ANK1: variants seen among roughly 807,000 people sequenced by gnomAD.
The protein encoded by ANK1 is ankyrin-1.
Under a neutral mutation model 210.4 loss-of-function variants are expected in ANK1, and 51 were observed. The ratio of observed to expected loss-of-function variants is 0.24; its 90% CI spans 0.19 to 0.31. The LOEUF (loss-of-function observed/expected upper bound fraction) is 0.31. Among genes scored for constraint, ANK1 ranks in the 10% least tolerant of loss-of-function variants. The pLI is 1.00. For missense variants in ANK1, 2,051 were observed against 2,504.4 expected (o/e 0.82, Z 3.86); for synonymous variants, 967 against 1,025.9 (o/e 0.94, Z 1.10).
chr8:41,834,769 T>A (rs1420639410), intron 1 of ANK1, among the ~76,000 whole-genome samples: 2 of 152,248 alleles, frequency 1.3e-5, no homozygotes, highest in East Asian at 1.9e-4. Context: ...CCTGGTCCCA[T>A]GCTGGGGCTC....
intron 38 of ANK1, among the ~76,000 whole-genome samples, chr8:41,670,836 C>A (rs542190094): frequency 1.3e-5 from 2 of 152,332 alleles, no homozygotes; most frequent in African/African-American, 4.8e-5. Flanking sequence ...TGCCTGGGGG[C>A]ACAAGAACCA....
In ANK1 at chr8:41,662,317, C is replaced by T. The variant is rs972356215; in HGVS notation, c.5479-376G>A. On this transcript the variant is annotated intron_variant, in intron 40 of 42. Transcript: ENST00000289734. Reference sequence around the variant, plus strand: ...AAGACAGAGCTTCAGAACAGCAGTTCCCAGGAATGAGCTCCGAGGGGGAGG... The same window carrying T: ...AAGACAGAGCTTCAGAACAGCAGTTTCCAGGAATGAGCTCCGAGGGGGAGG... Among the ~76,000 whole-genome samples, 62 of 152,018 alleles carry T rather than the reference C, an allele frequency of 4.1e-4. 1 individual carries two copies. Among genetic ancestry groups the T allele is most frequent in the African/African-American group, 1.5e-3 (62 of 41,492 alleles).
In ANK1 at chr8:41,703,444, ATATATATT is replaced by A. The variant is rs1363692626; in HGVS notation, c.2295+589_2295+596del. 2.1e-4 allele frequency among the ~76,000 whole-genome samples: 13 copies of A among 62,368 alleles called. No individual in the cohort carries two copies. In the East Asian group the frequency reaches 4.8e-3, roughly 23 times the overall value. The allele number at this position is 62,368 out of a possible 152,430, so 40.9% of individuals were successfully genotyped here. On this transcript the variant is annotated intron_variant, in intron 20 of 42. Coordinates refer to ENST00000289734, the MANE Select transcript of ANK1 (RefSeq NM_000037.4). ...TGTGTATATATATATATATATATATATATATATTTTTTTTTTTTTTTTAAGACACAAGG... is the reference window on the plus strand; with the variant it reads ...TGTGTATATATATATATATATATATATTTTTTTTTTTTTTAAGACACAAGG...
intron 1 of ANK1, among the ~76,000 whole-genome samples, chr8:41,789,451 A>T (rs1485569566): frequency 6.6e-6 from 1 of 152,204 alleles, no homozygotes; most frequent in Non-Finnish European, 1.5e-5. Context: ...CTGATGGAGG[A>T]TAAAGTCCAG....
chr8:41,778,757 A>G (rs1274122598), intron 1 of ANK1, among the ~76,000 whole-genome samples: 1 of 152,242 alleles, frequency 6.6e-6, no homozygotes, highest in African/African-American at 2.4e-5. Context: ...CATCCCTCAC[A>G]AAGATTTTAT....
At chr8:41,818,710 G>A (rs1212808975) in intron 1 of ANK1, among the ~76,000 whole-genome samples, 3 of 149,252 alleles carry the variant, frequency 2.0e-5, no homozygotes, top group East Asian at 2.0e-4. Flanking sequence ...TCTTGAACTC[G>A]TGGGTTTCAG....
intron 1 of ANK1, among the ~76,000 whole-genome samples, chr8:41,816,828 T>C (rs1051265665): frequency 6.6e-6 from 1 of 152,264 alleles, no homozygotes; most frequent in East Asian, 1.9e-4. Context: ...TATAAACACT[T>C]ATTTTTCTTT....
At chr8:41,770,630 T>A (rs1842805070) in intron 1 of ANK1, among the ~76,000 whole-genome samples, 1 of 152,222 alleles carries the variant, frequency 6.6e-6, no homozygotes, top group Admixed American at 6.5e-5. Context: ...TGAAGTATTA[T>A]CAGAGGACTT....
chr8:41,775,200 T>C (rs1186756031), intron 1 of ANK1, among the ~76,000 whole-genome samples: 1 of 152,156 alleles, frequency 6.6e-6, no homozygotes, highest in Non-Finnish European at 1.5e-5. Context: ...TTCCCACCCT[T>C]CCTTAGAAAT....
chr8:41,889,460 G>C (rs1290111616), intron 1 of ANK1, among the ~76,000 whole-genome samples: 1 of 152,214 alleles, frequency 6.6e-6, no homozygotes, highest in South Asian at 2.1e-4. Context: ...AATTGGACAT[G>C]TACTATTTCC....
intron 2 of ANK1, among the ~76,000 whole-genome samples, chr8:41,740,191 A>C (rs1586612813): frequency 9.0e-5 from 12 of 133,276 alleles, no homozygotes; most frequent in African/African-American, 1.2e-4. Flanking sequence ...ATGGAGTTTC[A>C]CTCTCATTGC....
chr8:41,664,835 G>C (rs755773784), intron 39 of ANK1: 8 of 1,611,740 alleles, frequency 5.0e-6, no homozygotes, highest in Non-Finnish European at 5.9e-6. Context: ...GGACCACCCT[G>C]GTGGAGATGG....
intron 16 of ANK1, among the ~76,000 whole-genome samples, chr8:41,710,171 C>T (rs1825752107): frequency 6.6e-6 from 1 of 152,218 alleles, no homozygotes; most frequent in South Asian, 2.1e-4. Context: ...TATCTCCCTG[C>T]AGGCAAGAGA....
chr8:41,845,002 C>T (rs1403749223), intron 1 of ANK1, among the ~76,000 whole-genome samples: 1 of 152,192 alleles, frequency 6.6e-6, no homozygotes, highest in Non-Finnish European at 1.5e-5. Context: ...GAAAAGCTGC[C>T]TCTACTCAGC....
At chr8:41,701,954 G>A (rs1822946507) in intron 21 of ANK1, 98 bp downstream of exon 21, 1 of 1,313,876 alleles carries the variant, frequency 7.6e-7, no homozygotes, top group African/African-American at 1.4e-5. Context: ...CCGCGTCCCG[G>A]AGCCCCAGAA....
intron 1 of ANK1, among the ~76,000 whole-genome samples, chr8:41,870,303 A>G (rs1815231546): frequency 6.6e-6 from 1 of 152,140 alleles, no homozygotes; most frequent in Non-Finnish European, 1.5e-5. Context: ...CAATGGGCAC[A>G]GTCTTTTTAT....
At chr8:41,875,707 C>G (rs561775087) in intron 1 of ANK1, among the ~76,000 whole-genome samples, 105 of 152,196 alleles carry the variant, frequency 6.9e-4, no homozygotes, top group African/African-American at 2.5e-3. Context: ...CCTTGCTGCT[C>G]GTAGAAGAAC....
chr8:41,853,002 G>A (rs1364638681), intron 1 of ANK1, among the ~76,000 whole-genome samples: 5 of 152,142 alleles, frequency 3.3e-5, no homozygotes, highest in Non-Finnish European at 7.3e-5. Flanking sequence ...CCTTTAAGCA[G>A]ACTCAAAATA....
intron 1 of ANK1, among the ~76,000 whole-genome samples, chr8:41,822,116 AAGAAAGAGAAAGAAAGAG>A (rs1563845289): frequency 6.9e-5 from 2 of 28,994 alleles, no homozygotes; most frequent in Non-Finnish European, 1.5e-4. Context: ...GAGAGAGAGA[AAGAAAGAGAAAGAAAGAG>A]AAAGAAAGAA....
Sources: allele counts gnomAD v4.1 joint callset (sites outside exome capture counted in the v4.1 genomes callset), GRCh38; gene constraint gnomAD v4.1.1; transcripts MANE v1.5; gene names NCBI Gene and HGNC (gene_info 2026-07-23, HGNC 2026-07-21).